Variants in PARD3B observed in about 807,000 individuals in gnomAD.
PARD3B encodes the protein par-3 family cell polarity regulator beta.
PARD3B carries 103 observed loss-of-function variants against 130.2 expected under a neutral mutation model. That is an observed-to-expected ratio of 0.79 (90% CI 0.67 to 0.93). PARD3B has a LOEUF of 0.93. Ranked by LOEUF, PARD3B falls within the 40% of genes least tolerant of loss-of-function variation. PARD3B has a pLI of 0.00. For missense variants in PARD3B, 1,609 were observed against 1,499.2 expected, an observed-to-expected ratio of 1.07 and a Z score of -1.21; for synonymous variants, 583 against 553.2, an observed-to-expected ratio of 1.05 and a Z score of -0.76.
intron 4 of PARD3B, among the ~76,000 whole-genome samples, chr2:205,057,705 G>GTATGTGTATACGTATATATATACATA (rs1699814538): frequency 6.7e-6 from 1 of 149,360 alleles, no homozygotes; most frequent in Non-Finnish European, 1.5e-5. Flanking sequence ...ACATATATGT[G>GTATGTGTATACGTATATATATACATA]TATGTGTATA....
At chr2:205,235,305 C>G (rs2039015284) in intron 15 of PARD3B, among the ~76,000 whole-genome samples, 1 of 152,058 alleles carries the variant, frequency 6.6e-6, no homozygotes, top group African/African-American at 2.4e-5. Flanking sequence ...GCCTGTAGTC[C>G]TAGCTACTCG....
rs561025001 is a variant in PARD3B, at chr2:205,177,170, A to G, written c.1924+593A>G. Among the ~76,000 whole-genome samples the G allele has an allele frequency of 5.9e-4, 90 of 152,354 alleles. 2 individuals carry two copies. In the South Asian group the frequency reaches 0.018, roughly 30 times the overall value. ...TTTTCCTCTTTGTCTTTTAAAAAAT[A>G]TACTTCAGGTCACCAAGAAAATTGT... is the stretch of plus-strand genomic sequence containing the variant. On this transcript the variant is annotated intron_variant, in intron 13 of 22. Coordinates refer to ENST00000406610, the MANE Select transcript of PARD3B (RefSeq NM_001302769.2).
At chr2:204,641,618 T>TCAGGCCTG (rs1478588047) in intron 1 of PARD3B, among the ~76,000 whole-genome samples, 2 of 152,176 alleles carry the variant, frequency 1.3e-5, no homozygotes, top group African/African-American at 2.4e-5. Context: ...ACTCTCTATG[T>TCAGGCCTG]CAGGCCTGCA....
intron 18 of PARD3B, among the ~76,000 whole-genome samples, chr2:205,318,179 C>A (rs1357265158): frequency 6.6e-6 from 1 of 152,198 alleles, no homozygotes; most frequent in South Asian, 2.1e-4. Flanking sequence ...TAATTTTCCA[C>A]TTTAAATTTG....
intron 2 of PARD3B, among the ~76,000 whole-genome samples, chr2:204,750,182 C>T (rs1299476772): frequency 6.6e-6 from 1 of 152,176 alleles, no homozygotes; most frequent in African/African-American, 2.4e-5. Context: ...ACTAAGGTTT[C>T]TGTTATCATT....
chr2:204,840,496 T>A (rs2044219672), intron 2 of PARD3B, among the ~76,000 whole-genome samples: 1 of 151,870 alleles, frequency 6.6e-6, no homozygotes, highest in Non-Finnish European at 1.5e-5. Flanking sequence ...TGAAAATAGA[T>A]TTTAAAAAAG....
chr2:205,155,146 G>C (rs2034033194), intron 10 of PARD3B, among the ~76,000 whole-genome samples: 1 of 151,916 alleles, frequency 6.6e-6, no homozygotes, highest in African/African-American at 2.4e-5. Context: ...AATTTTGTTT[G>C]TACTAAATGA....
At chr2:204,645,534 C>T (rs2035242499) in intron 1 of PARD3B, among the ~76,000 whole-genome samples, 1 of 152,118 alleles carries the variant, frequency 6.6e-6, no homozygotes, top group Admixed American at 6.6e-5. Flanking sequence ...CATTTTCCTG[C>T]ATATTCCAAC....
At chr2:204,549,766 A>C (rs1447559400) in intron 1 of PARD3B, among the ~76,000 whole-genome samples, 1 of 152,230 alleles carries the variant, frequency 6.6e-6, no homozygotes, top group Admixed American at 6.5e-5. Context: ...AGCACAATAC[A>C]TGTTATTTGT....
Position 205,500,036 on chromosome 2 carries a change from G to A in PARD3B, c.3180+5G>A. On this transcript the variant is annotated splice_donor_5th_base_variant and intron_variant, in intron 21 of 22. Transcript: ENST00000406610. ...TCTGAGTATGACCTACTCTGGGTAA[G>A]CGCATGCATGATTTCAATCGTTGAA... 1.2e-6 allele frequency: 2 copies of A among 1,610,528 alleles called. No homozygotes were observed. The highest frequency in any genetic ancestry group is 2.2e-5 in the South Asian group (2 of 90,296).
chr2:204,937,083 G>C (rs1423227197), intron 2 of PARD3B, among the ~76,000 whole-genome samples: 1 of 152,236 alleles, frequency 6.6e-6, no homozygotes, highest in Non-Finnish European at 1.5e-5. Flanking sequence ...ACATGAACAA[G>C]AGCTCTTTGG....
intron 10 of PARD3B, among the ~76,000 whole-genome samples, chr2:205,127,720 T>C (rs149003151): frequency 1.2e-4 from 19 of 152,188 alleles, no homozygotes; most frequent in Non-Finnish European, 2.4e-4. Context: ...TGTAACAAAA[T>C]AGGGAAAATA....
chr2:204,681,600 T>C (rs1177808086), intron 1 of PARD3B, among the ~76,000 whole-genome samples: 2 of 152,198 alleles, frequency 1.3e-5, no homozygotes, highest in Non-Finnish European at 2.9e-5. Context: ...GATTCTTTCC[T>C]TTCACGTGTC....
intron 2 of PARD3B, among the ~76,000 whole-genome samples, chr2:204,886,478 T>G (rs2125680568): frequency 6.6e-6 from 1 of 152,350 alleles, no homozygotes; most frequent in Non-Finnish European, 1.5e-5. Flanking sequence ...GCATTGGGTC[T>G]TAGTGTTTTA....
intron 4 of PARD3B, among the ~76,000 whole-genome samples, chr2:205,062,261 C>T (rs1700105592): frequency 1.3e-5 from 2 of 151,848 alleles, no homozygotes; most frequent in Admixed American, 6.6e-5. Context: ...TCGTTGAGGT[C>T]GTAATGAAAG....
intron 3 of PARD3B, among the ~76,000 whole-genome samples, chr2:204,980,081 C>T (rs1203971592): frequency 1.3e-5 from 2 of 152,046 alleles, no homozygotes; most frequent in African/African-American, 4.8e-5. Context: ...ATCTGTCTGA[C>T]AAAGGATAGT....
intron 2 of PARD3B, among the ~76,000 whole-genome samples, chr2:204,748,891 G>A (rs1165707928): frequency 6.6e-6 from 1 of 152,070 alleles, no homozygotes; most frequent in African/African-American, 2.4e-5. Context: ...ATTGAAAGTA[G>A]TTTTGACAGT....
chr2:205,597,399 TACC>T (rs1452195597), intron 22 of PARD3B, among the ~76,000 whole-genome samples: 1 of 152,232 alleles, frequency 6.6e-6, no homozygotes, highest in African/African-American at 2.4e-5. Flanking sequence ...GGTGTATATG[TACC>T]ACATTTTCTT....
At chr2:205,414,965 G>T (rs1003388140) in intron 19 of PARD3B, among the ~76,000 whole-genome samples, 3 of 152,082 alleles carry the variant, frequency 2.0e-5, no homozygotes, top group African/African-American at 7.2e-5. Flanking sequence ...ACAGAGTCAA[G>T]ATAATGTATG....
Sources: allele counts gnomAD v4.1 joint callset (sites outside exome capture counted in the v4.1 genomes callset), GRCh38; gene constraint gnomAD v4.1.1; transcripts MANE v1.5; gene names NCBI Gene and HGNC (gene_info 2026-07-23, HGNC 2026-07-21).